The following CA10 variants were observed in gnomAD, a reference collection of about 807,000 sequenced individuals.
CA10 encodes carbonic anhydrase-related protein 10.
A neutral mutation model predicts 44.2 loss-of-function variants in CA10; 14 were observed. That is an observed-to-expected ratio of 0.32 (90% CI 0.21 to 0.50). The LOEUF (loss-of-function observed/expected upper bound fraction) is 0.50, where lower values mean the gene tolerates loss of function less well. CA10 is among the 20% of genes least tolerant of loss of function. The probability of loss-of-function intolerance (pLI) is 0.99; values close to 1 mark genes in which losing one functional copy is unlikely to be tolerated. For missense variants in CA10, 350 were observed against 409.7 expected (o/e 0.85, Z 1.26); for synonymous variants, 159 against 141.6 (o/e 1.12, Z -0.87).
intron 4 of CA10, among the ~76,000 whole-genome samples, chr17:51,718,609 G>C (rs1916253144): frequency 6.6e-6 from 1 of 152,136 alleles, no homozygotes; most frequent in Admixed American, 6.5e-5. Flanking sequence ...TCTGTGAGCT[G>C]CTCTAGCAAA....
chr17:51,677,066 A>G (rs1457611432), intron 4 of CA10, among the ~76,000 whole-genome samples: 1 of 152,152 alleles, frequency 6.6e-6, no homozygotes, highest in Admixed American at 6.5e-5. Flanking sequence ...AAGAGCATAC[A>G]TTTTGTTGTC....
At chr17:52,056,349 C>A (rs2970031) in intron 2 of CA10, among the ~76,000 whole-genome samples, 151,265 of 152,098 alleles carry the variant, frequency 0.99, 75,219 homozygotes, top group East Asian at 1. Context: ...GTCACCATGG[C>A]GTCTATTCAT....
chr17:52,035,002 G>T (rs1295161018), intron 2 of CA10, among the ~76,000 whole-genome samples: 5 of 152,150 alleles, frequency 3.3e-5, no homozygotes, highest in Non-Finnish European at 7.4e-5. Flanking sequence ...TAACTGGAAG[G>T]CTCCTTGGTG....
intron 1 of CA10, among the ~76,000 whole-genome samples, chr17:52,115,886 G>A (rs1988885152): frequency 6.6e-6 from 1 of 152,240 alleles, no homozygotes. Flanking sequence ...AAGGTCAAGA[G>A]ATCGAGACCA....
At chr17:51,903,394 C>T (rs1028205094) in intron 3 of CA10, among the ~76,000 whole-genome samples, 1 of 152,108 alleles carries the variant, frequency 6.6e-6, no homozygotes, top group Non-Finnish European at 1.5e-5. Flanking sequence ...GCTTCCTTTT[C>T]CTCCTTCACA....
intron 1 of CA10, among the ~76,000 whole-genome samples, chr17:52,137,019 T>C (rs993238379): frequency 6.6e-6 from 1 of 152,204 alleles, no homozygotes; most frequent in Non-Finnish European, 1.5e-5. Flanking sequence ...GAAATCTATA[T>C]AAATTCTTCT....
At chr17:51,974,316 G>A (rs143317798) in intron 2 of CA10, among the ~76,000 whole-genome samples, 40 of 151,144 alleles carry the variant, frequency 2.6e-4, no homozygotes, top group African/African-American at 8.7e-4. Context: ...CCCGGGAGGT[G>A]GAGGTTGCAG....
At chr17:51,847,550 G>C (rs1343462796) in intron 3 of CA10, among the ~76,000 whole-genome samples, 1 of 152,070 alleles carries the variant, frequency 6.6e-6, no homozygotes, top group Admixed American at 6.6e-5. Context: ...GCACTTCTTT[G>C]CATGATAAAA....
intron 1 of CA10, among the ~76,000 whole-genome samples, chr17:52,137,139 C>T (rs1989377997): frequency 6.6e-6 from 1 of 151,302 alleles, no homozygotes; most frequent in African/African-American, 2.4e-5. Flanking sequence ...CAGAGCTTGG[C>T]ACACAGGGAG....
At chr17:51,657,493 G>A (rs1025053554) in intron 4 of CA10, among the ~76,000 whole-genome samples, 1 of 152,170 alleles carries the variant, frequency 6.6e-6, no homozygotes, top group East Asian at 1.9e-4. Flanking sequence ...GAGAAAAGCA[G>A]GGTTCACTGC....
At chr17:51,919,630 CT>C (rs1982146797) in intron 3 of CA10, among the ~76,000 whole-genome samples, 2 of 152,028 alleles carry the variant, frequency 1.3e-5, no homozygotes, top group African/African-American at 4.8e-5. Flanking sequence ...TGTAAAATGC[CT>C]GTTAGTTGTT....
intron 3 of CA10, among the ~76,000 whole-genome samples, chr17:51,920,034 T>A (rs2143969775): frequency 6.6e-6 from 1 of 152,312 alleles, no homozygotes; most frequent in Non-Finnish European, 1.5e-5. Flanking sequence ...ACTCATGAGA[T>A]TCCTGGAAAA....
At chr17:51,994,026 G>A (rs1472486871) in intron 2 of CA10, among the ~76,000 whole-genome samples, 2 of 151,938 alleles carry the variant, frequency 1.3e-5, no homozygotes, top group South Asian at 2.1e-4. Flanking sequence ...TATATGGCAC[G>A]TAACAGAGAT....
chr17:51,987,768 G>C (rs973320585), intron 2 of CA10, among the ~76,000 whole-genome samples: 3 of 151,940 alleles, frequency 2.0e-5, no homozygotes, highest in African/African-American at 7.2e-5. Flanking sequence ...GCGATTAAGA[G>C]AGGGGTACAG....
intron 2 of CA10, among the ~76,000 whole-genome samples, chr17:51,997,699 T>C (rs1249219710): frequency 6.6e-6 from 1 of 152,074 alleles, no homozygotes; most frequent in Non-Finnish European, 1.5e-5. Flanking sequence ...TTTTTGTGTG[T>C]GTGTATGTGA....
chr17:51,633,395 T>G (rs976047080), intron 8 of CA10, 81 bp downstream of exon 8: 1 of 1,290,420 alleles, frequency 7.7e-7, no homozygotes. Flanking sequence ...TGGAAGATAA[T>G]GCCAGGCCTT....
intron 1 of CA10, among the ~76,000 whole-genome samples, chr17:52,140,663 G>C (rs1325901612): frequency 6.6e-6 from 1 of 152,192 alleles, no homozygotes; most frequent in Admixed American, 6.5e-5. Flanking sequence ...AAGAGGCTTT[G>C]TTACGCAGCG....
chr17:52,045,139 A>G (rs932872021), intron 2 of CA10, among the ~76,000 whole-genome samples: 2 of 151,890 alleles, frequency 1.3e-5, no homozygotes, highest in African/African-American at 4.8e-5. Flanking sequence ...AAACTACGCA[A>G]AACAAAACTA....
chr17:51,684,912 C>T (rs1228249015), intron 4 of CA10, among the ~76,000 whole-genome samples: 1 of 152,124 alleles, frequency 6.6e-6, no homozygotes, highest in Admixed American at 6.5e-5. Context: ...TACCTAGATG[C>T]CTGGGGTGGG....
Sources: gnomAD v4.1 joint callset for allele counts (sites outside exome capture counted in the v4.1 genomes callset) on GRCh38, gnomAD v4.1.1 for gene constraint, MANE v1.5 for transcripts, NCBI Gene and HGNC (gene_info 2026-07-23, HGNC 2026-07-21) for gene names.